OR4S2: variants seen among roughly 807,000 people sequenced by gnomAD.
OR4S2 encodes the protein olfactory receptor family 4 subfamily S member 2, also known as olfactory receptor 4S2.
Under a neutral mutation model 15.1 loss-of-function variants are expected in OR4S2, and 16 were observed. The ratio of observed to expected loss-of-function variants is 1.06; its 90% CI spans 0.72 to 1.61. The LOEUF (loss-of-function observed/expected upper bound fraction) is 1.61, where lower values mean the gene tolerates loss of function less well. Ranked by LOEUF, OR4S2 falls within the 40% of genes most tolerant of loss-of-function variation. The probability of loss-of-function intolerance (pLI) is 0.00; values close to 1 mark genes in which losing one functional copy is unlikely to be tolerated. For synonymous variants in OR4S2, 133 were observed against 136.3 expected, an observed-to-expected ratio of 0.98 and a Z score of 0.17; for missense variants, 362 against 379.6, an observed-to-expected ratio of 0.95 and a Z score of 0.38.
chr11:55,648,419 G>A lies in OR4S2; in HGVS notation c.-168G>A, dbSNP rs1466894377. The stretch of plus-strand genomic sequence containing the variant: ...CCAGCCTTTCAGTTTGGGGGGTCAG[G>A]TATTTTCCGGTACTAATTATTCACA... On this transcript the variant is annotated 5_prime_UTR_variant, in exon 1 of 2. Coordinates refer to ENST00000641692, the MANE Select transcript of OR4S2 (RefSeq NM_001004059.3). The A allele has an allele frequency of 1.5e-5, 2 of 137,280 alleles. 1 individual carries two copies. Among genetic ancestry groups the A allele is most frequent in the African/African-American group, 5.0e-5 (2 of 39,718 alleles). The allele number at this position is 137,280 out of a possible 1,614,324, so 8.5% of individuals were successfully genotyped here. A position where few individuals can be genotyped will look rare whatever the true frequency, so the allele number is the denominator to read the frequency against.
chr11:55,651,019 G>A lies in OR4S2; in HGVS notation c.116G>A (p.Gly39Glu). The change falls in exon 2 of 2, where the codon GGA becomes GAA. Residue 39 changes from glycine (G) to glutamate (E), a missense_variant. Physicochemically the swap from Gly to Glu is moderately conservative, Grantham distance 98. Transcript: ENST00000641692. ...TTCTTCTACATAATCATTCTTCTGG[G>A]AAATCTCCTCATCATGCTGACAGTT... ...FSFFYIIILL[G>E]NLLIMLTVCL... is the part of the protein sequence containing the mutation. 3 of 1,462,676 alleles carry A rather than the reference G, an allele frequency of 2.1e-6. No homozygotes were observed. Among genetic ancestry groups the A allele is most frequent in the South Asian group, 2.4e-5 (2 of 84,278 alleles). The allele number at this position is 1,462,676 out of a possible 1,614,324, so 90.6% of individuals were successfully genotyped here.
Position 55,651,686 on chromosome 11 carries a change from G to A in OR4S2, c.783G>A (p.Thr261=). 7 of 1,488,860 alleles carry A rather than the reference G, an allele frequency of 4.7e-6. 1 individual carries two copies. The highest frequency in any genetic ancestry group is 1.2e-5 in the South Asian group (1 of 84,806). The allele number at this position is 1,488,860 out of a possible 1,614,324, so 92.2% of individuals were successfully genotyped here. Residue 261 remains threonine (T), a synonymous_variant, in exon 2 of 2, where the codon ACG becomes ACA. Transcript: ENST00000641692. Reference sequence around the variant, plus strand: ...CTTTTATGTACATGCGCCCTGATACGACCTTTTCAGAGGATAAGATGGTGG... The same window carrying A: ...CTTTTATGTACATGCGCCCTGATACAACCTTTTCAGAGGATAAGATGGTGG... ...PCTFMYMRPD[T]TFSEDKMVAV...
Position 55,650,869 on chromosome 11 carries a change from T to C in OR4S2, c.-35T>C, listed in dbSNP as rs1174159735. On this transcript the variant is annotated splice_region_variant and 5_prime_UTR_variant, in exon 2 of 2. Coordinates refer to ENST00000641692, the MANE Select transcript of OR4S2 (RefSeq NM_001004059.3). ...CTTTTTATGTTTTCTTTTTTTCAGG[T>C]AATTTAATTGTCTCCTAAGAACTTG... 2.1e-6 allele frequency: 2 copies of C among 943,208 alleles called. 1 individual carries two copies. Among genetic ancestry groups the C allele is most frequent in the African/African-American group, 3.2e-5 (2 of 62,070 alleles). 58.4% of individuals were successfully genotyped at this position (943,208 alleles called of 1,614,324 possible). A position where few individuals can be genotyped will look rare whatever the true frequency, so the allele number is the denominator to read the frequency against.
At position 55,650,844 on chromosome 11, in the gene OR4S2, C is replaced by A. The variant is rs1325566090; in HGVS notation, c.-36-24C>A. The A allele has an allele frequency of 3.0e-5, 24 of 810,208 alleles. 6 individuals carry two copies. In the South Asian group the frequency reaches 3.5e-4, roughly 12 times the overall value. The allele number at this position is 810,208 out of a possible 1,614,324, so 50.2% of individuals were successfully genotyped here. A position where few individuals can be genotyped will look rare whatever the true frequency, so the allele number is the denominator to read the frequency against. On this transcript the variant is annotated intron_variant, in intron 1 of 1. Transcript: ENST00000641692. ...CGTTAGAAATAAAATAAATACAGTC[C>A]TTTTTATGTTTTCTTTTTTTCAGGT...
rs1287805701 is a variant in OR4S2 at position 55,650,824 on chromosome 11, G to C, written c.-36-44G>C. 3 of 708,282 alleles carry C rather than the reference G, an allele frequency of 4.2e-6. 1 individual carries two copies. The highest frequency in any genetic ancestry group is 6.7e-6 in the Non-Finnish European group (3 of 446,060). The allele number at this position is 708,282 out of a possible 1,614,324, so 43.9% of individuals were successfully genotyped here. A position where few individuals can be genotyped will look rare whatever the true frequency, so the allele number is the denominator to read the frequency against. ...GTGATTTTCCGTTGGTTCTGCGTTA[G>C]AAATAAAATAAATACAGTCCTTTTT... is the stretch of plus-strand genomic sequence containing the variant. On this transcript the variant is annotated intron_variant, in intron 1 of 1. Coordinates refer to ENST00000641692, the MANE Select transcript of OR4S2 (RefSeq NM_001004059.3).
chr11:55,650,187 G>T lies in OR4S2; in HGVS notation c.-36-681G>T, dbSNP rs187165056. 1.4e-3 allele frequency among the ~76,000 whole-genome samples: 199 copies of T among 138,922 alleles called. 20 individuals are homozygous for T. The highest frequency in any genetic ancestry group is 4.9e-3 in the African/African-American group (197 of 40,110). 91.1% of individuals were successfully genotyped at this position (138,922 alleles called of 152,430 possible). Reference sequence around the variant, plus strand: ...TTAAGTTAAATAATTTACCTTGGGGGTTACAGTAGTATCATTTTAGAATCA... The same window carrying T: ...TTAAGTTAAATAATTTACCTTGGGGTTTACAGTAGTATCATTTTAGAATCA... On this transcript the variant is annotated intron_variant, in intron 1 of 1. Coordinates refer to ENST00000641692, the MANE Select transcript of OR4S2 (RefSeq NM_001004059.3).
chr11:55,648,652 T>C (rs1170245252), intron 1 of OR4S2, 102 bp downstream of exon 1: 1 of 138,646 alleles, frequency 7.2e-6, no homozygotes, highest in East Asian at 2.3e-4. Flanking sequence ...AAAAATATTG[T>C]TCTCTGAAAT....
rs535800415 is a variant in OR4S2, at chr11:55,651,600, A to C, written c.697A>C (p.Lys233Gln). Residue 233 changes from lysine (K) to glutamine (Q), a missense_variant, in exon 2 of 2, where the codon AAA becomes CAA. By Grantham distance (53) the Lys-to-Gln change is moderately conservative. Coordinates refer to ENST00000641692, the MANE Select transcript of OR4S2 (RefSeq NM_001004059.3). ...LRKQSAEGRR[K>Q]ALSTCGSHIA... ...AAAGCAGTCAGCAGAAGGCAGGCGC[A>C]AAGCCCTCTCCACCTGTGGCTCCCA... 2 of 1,490,986 alleles carry C rather than the reference A, an allele frequency of 1.3e-6. 1 individual carries two copies. The highest frequency in any genetic ancestry group is 2.7e-5 in the African/African-American group (2 of 72,926). The allele number at this position is 1,490,986 out of a possible 1,614,324, so 92.4% of individuals were successfully genotyped here.
rs1214092535 is a variant in OR4S2, at chr11:55,650,035, A to C, written c.-36-833A>C. 3.6e-5 allele frequency among the ~76,000 whole-genome samples: 5 copies of C among 138,734 alleles called. 2 individuals are homozygous for C. In the East Asian group the frequency reaches 1.2e-3, roughly 33 times the overall value. The allele number at this position is 138,734 out of a possible 152,430, so 91.0% of individuals were successfully genotyped here. Reference sequence around the variant, plus strand: ...TGCTTTACCTTATTTCTGCCTTCCTATCAGGGTTTTATGAATATTTCATAC... The same window carrying C: ...TGCTTTACCTTATTTCTGCCTTCCTCTCAGGGTTTTATGAATATTTCATAC... On this transcript the variant is annotated intron_variant, in intron 1 of 1. Transcript: ENST00000641692.
rs1200142466 is a variant in OR4S2 at position 55,652,830 on chromosome 11, C to T, written c.*991C>T. ...GAAAATCTTTCACCAGCTGGTATTT[C>T]CTGTTTGCTTTTTTGTCATTGTGGA... On this transcript the variant is annotated 3_prime_UTR_variant, in exon 2 of 2. Coordinates refer to ENST00000641692, the MANE Select transcript of OR4S2 (RefSeq NM_001004059.3). 1 of 138,856 alleles carries T rather than the reference C, an allele frequency of 7.2e-6. No individual in the cohort carries two copies. The highest frequency in any genetic ancestry group is 1.6e-5 in the Non-Finnish European group (1 of 62,374). 8.6% of individuals were successfully genotyped at this position (138,856 alleles called of 1,614,324 possible).
Position 55,651,482 on chromosome 11 carries a change from T to C in OR4S2, c.579T>C (p.Val193=). 6.7e-7 allele frequency: 1 copy of C among 1,484,928 alleles called. No homozygotes were observed. The highest frequency in any genetic ancestry group is 9.2e-7 in the Non-Finnish European group (1 of 1,090,050). 92.0% of individuals were successfully genotyped at this position (1,484,928 alleles called of 1,614,324 possible). The change falls in exon 2 of 2, where the codon GTT becomes GTC. Residue 193 remains valine, a synonymous_variant. Transcript: ENST00000641692. ...LKLACTETYI[V]GVVVTANSGT... ...TTGCCTGCACAGAAACATACATTGT[T>C]GGTGTTGTTGTGACAGCCAACAGTG...
chr11:55,648,911 T>G (rs1858530398), intron 1 of OR4S2, among the ~76,000 whole-genome samples: 1 of 137,858 alleles, frequency 7.3e-6, no homozygotes, highest in African/African-American at 2.5e-5. Context: ...TTCAGAAGGT[T>G]AACAGCCTTT....
chr11:55,652,060 A>T lies in OR4S2; in HGVS notation c.*221A>T, dbSNP rs1279887167. 3.5e-6 allele frequency: 1 copy of T among 284,426 alleles called. No individual in the cohort carries two copies. Among genetic ancestry groups the T allele is most frequent in the African/African-American group, 2.2e-5 (1 of 45,708 alleles). The allele number at this position is 284,426 out of a possible 1,614,324, so 17.6% of individuals were successfully genotyped here. The stretch of plus-strand genomic sequence containing the variant: ...ATATCTATGACACAGAAATATTATT[A>T]AACTTAGAATCACAAAAGTGCAGAA... On this transcript the variant is annotated 3_prime_UTR_variant, in exon 2 of 2. Coordinates refer to ENST00000641692, the MANE Select transcript of OR4S2 (RefSeq NM_001004059.3).
rs1554969733 is a variant in OR4S2, at chr11:55,651,447, G to C, written c.544G>C (p.Val182Leu). ...TCACTACTTTTGTGATGTTCACCCT[G>C]TGTTGAAACTTGCCTGCACAGAAAC... ...IDHYFCDVHP[V>L]LKLACTETYI... Residue 182 changes from valine to leucine, a missense_variant, in exon 2 of 2, where the codon GTG becomes CTG. Transcript: ENST00000641692. 2.0e-6 allele frequency: 3 copies of C among 1,490,630 alleles called. No individual in the cohort carries two copies. The highest frequency in any genetic ancestry group is 2.4e-5 in the South Asian group (2 of 84,870). The allele number at this position is 1,490,630 out of a possible 1,614,324, so 92.3% of individuals were successfully genotyped here.
At position 55,650,942 on chromosome 11, in the gene OR4S2, G is replaced by T. The variant is rs376045058; in HGVS notation, c.39G>T (p.Trp13Cys). 5 of 1,455,678 alleles carry T rather than the reference G, an allele frequency of 3.4e-6. No individual in the cohort carries two copies. In the African/African-American group the frequency reaches 6.9e-5, roughly 20 times the overall value. 90.2% of individuals were successfully genotyped at this position (1,455,678 alleles called of 1,614,324 possible). ...KINNVTEFIF[W>C]GLSQSPEIEK... is the part of the protein sequence containing the mutation. Reference sequence around the variant, plus strand: ...ACAACGTAACTGAATTCATTTTCTGGGGTCTTTCTCAGAGCCCAGAGATTG... The same window carrying T: ...ACAACGTAACTGAATTCATTTTCTGTGGTCTTTCTCAGAGCCCAGAGATTG... Residue 13 changes from tryptophan (W) to cysteine (C), a missense_variant, in exon 2 of 2, where the codon TGG (tryptophan) becomes TGT (cysteine). By Grantham distance (215) the Trp-to-Cys change is radical. Coordinates refer to ENST00000641692, the MANE Select transcript of OR4S2 (RefSeq NM_001004059.3).
chr11:55,651,247 T>C lies in OR4S2; in HGVS notation c.344T>C (p.Val115Ala), dbSNP rs1280173552. ...TGCACTGAGATCTTCATCCTTACTG[T>C]AATGGCCTATGATCGTTATGTGGCT... The part of the protein sequence containing the change: ...FGCTEIFILT[V>A]MAYDRYVAIC... Residue 115 changes from valine to alanine, a missense_variant, in exon 2 of 2, where the codon GTA (valine) becomes GCA (alanine). Val to Ala is a moderately conservative substitution (Grantham distance 64). Coordinates refer to ENST00000641692, the MANE Select transcript of OR4S2 (RefSeq NM_001004059.3). The C allele has an allele frequency of 7.5e-6, 11 of 1,471,436 alleles. 1 individual carries two copies. Among genetic ancestry groups the C allele is most frequent in the African/African-American group, 1.4e-5 (1 of 72,444 alleles). 91.1% of individuals were successfully genotyped at this position (1,471,436 alleles called of 1,614,324 possible).
rs915316908 is a variant in OR4S2, at chr11:55,649,542, C to A, written c.-37+992C>A. Among the ~76,000 whole-genome samples the A allele has an allele frequency of 1.4e-5, 2 of 138,172 alleles. 1 individual carries two copies. 90.6% of individuals were successfully genotyped at this position (138,172 alleles called of 152,430 possible). On this transcript the variant is annotated intron_variant, in intron 1 of 1. Transcript: ENST00000641692. ...TAATTGGAGGGATCATTTACACCTG[C>A]GGTTGATTAGCGAAAGAATCCTAAA... is the stretch of plus-strand genomic sequence containing the variant.
In OR4S2 at chr11:55,652,114, GAC is replaced by G. The variant is rs1445895981; in HGVS notation, c.*277_*278del. ...CAATTCCTCTTGGCTTTCCTTTGAGGACAGATTTCTATTACCCTACCTTGCTA... is the reference window on the plus strand; with the variant it reads ...CAATTCCTCTTGGCTTTCCTTTGAGGAGATTTCTATTACCCTACCTTGCTA... On this transcript the variant is annotated 3_prime_UTR_variant, in exon 2 of 2. Coordinates refer to ENST00000641692, the MANE Select transcript of OR4S2 (RefSeq NM_001004059.3). The G allele has an allele frequency of 1.0e-5, 2 of 200,802 alleles. No individual in the cohort carries two copies. The highest frequency in any genetic ancestry group is 4.7e-5 in the African/African-American group (2 of 42,740). The allele number at this position is 200,802 out of a possible 1,614,324, so 12.4% of individuals were successfully genotyped here. A position where few individuals can be genotyped will look rare whatever the true frequency, so the allele number is the denominator to read the frequency against.
Position 55,651,689 on chromosome 11 carries a change from C to A in OR4S2, c.786C>A (p.Thr262=). Reference sequence around the variant, plus strand: ...TTATGTACATGCGCCCTGATACGACCTTTTCAGAGGATAAGATGGTGGCTG... The same window carrying A: ...TTATGTACATGCGCCCTGATACGACATTTTCAGAGGATAAGATGGTGGCTG... ...CTFMYMRPDT[T]FSEDKMVAVF... is the part of the protein sequence containing the mutation. The change falls in exon 2 of 2, where the codon ACC becomes ACA. Residue 262 remains threonine, a synonymous_variant. Transcript: ENST00000641692. 2 of 1,488,736 alleles carry A rather than the reference C, an allele frequency of 1.3e-6. No homozygotes were observed. The highest frequency in any genetic ancestry group is 9.1e-7 in the Non-Finnish European group (1 of 1,093,808). 92.2% of individuals were successfully genotyped at this position (1,488,736 alleles called of 1,614,324 possible).
Sources: gnomAD v4.1 joint callset for allele counts (sites outside exome capture counted in the v4.1 genomes callset) on GRCh38, gnomAD v4.1.1 for gene constraint, MANE v1.5 for transcripts, NCBI Gene and HGNC (gene_info 2026-07-23, HGNC 2026-07-21) for gene names.